ERGIC1: variants seen among roughly 807,000 people sequenced by gnomAD.
ERGIC1 encodes the protein endoplasmic reticulum-Golgi intermediate compartment protein 1.
A neutral mutation model predicts 38.3 loss-of-function variants in ERGIC1; 19 were observed. That is an observed-to-expected ratio of 0.50 (90% CI 0.35 to 0.73). The LOEUF (loss-of-function observed/expected upper bound fraction) is 0.73. Ranked by LOEUF, ERGIC1 falls within the 30% of genes least tolerant of loss-of-function variation. The pLI is 0.01. For synonymous variants in ERGIC1, 124 were observed against 157.6 expected, an observed-to-expected ratio of 0.79 and a Z score of 1.60; for missense variants, 294 against 389.2, an observed-to-expected ratio of 0.76 and a Z score of 2.06.
chr5:172,909,252 C>T (rs1370179584), intron 3 of ERGIC1, among the ~76,000 whole-genome samples: 3 of 148,564 alleles, frequency 2.0e-5, no homozygotes. Context: ...TCACTGCAAC[C>T]TCAGCCTCCT....
chr5:172,877,402 TTATA>T (rs202058258), intron 1 of ERGIC1, among the ~76,000 whole-genome samples: 2 of 143,234 alleles, frequency 1.4e-5, no homozygotes, highest in Non-Finnish European at 3.0e-5. Context: ...TCTCTAAATA[TTATA>T]TATATGTGTG....
intron 3 of ERGIC1, among the ~76,000 whole-genome samples, chr5:172,898,750 G>T (rs1762794048): frequency 6.6e-6 from 1 of 152,120 alleles, no homozygotes; most frequent in African/African-American, 2.4e-5. Context: ...TCTGGGAGAG[G>T]TTGGTCTGCT....
At chr5:172,853,608 C>T (rs926592543) in intron 1 of ERGIC1, among the ~76,000 whole-genome samples, 4 of 152,222 alleles carry the variant, frequency 2.6e-5, no homozygotes, top group Non-Finnish European at 5.9e-5. Context: ...CCCATCTCCC[C>T]CCGCCCCGGA....
At chr5:172,889,284 A>G (rs1762503068) in intron 2 of ERGIC1, among the ~76,000 whole-genome samples, 1 of 150,590 alleles carries the variant, frequency 6.6e-6, no homozygotes, top group African/African-American at 2.4e-5. Flanking sequence ...GACTCCATCT[A>G]AAAAAAAACA....
chr5:172,914,673 T>A, intron 4 of ERGIC1, 41 bp from the exon 5 acceptor site: 1 of 1,613,624 alleles, frequency 6.2e-7, no homozygotes, highest in Non-Finnish European at 8.5e-7. Context: ...TCCTCCCGCG[T>A]CTCTGGGTTT....
chr5:172,892,352 T>C (rs1346934712), intron 2 of ERGIC1, among the ~76,000 whole-genome samples: 1 of 152,208 alleles, frequency 6.6e-6, no homozygotes, highest in Non-Finnish European at 1.5e-5. Context: ...GCGGGCTGAC[T>C]TGGACACACA....
chr5:172,878,074 A>C (rs1762191379), intron 1 of ERGIC1, among the ~76,000 whole-genome samples: 1 of 152,020 alleles, frequency 6.6e-6, no homozygotes, highest in African/African-American at 2.4e-5. Flanking sequence ...TGTGGGAAGG[A>C]GGGGAGGGGA....
chr5:172,835,818 C>A (rs1275379518), intron 1 of ERGIC1, among the ~76,000 whole-genome samples: 1 of 152,204 alleles, frequency 6.6e-6, no homozygotes, highest in Non-Finnish European at 1.5e-5. Flanking sequence ...CTTGCCCCTG[C>A]CGGGCAGCCC....
chr5:172,878,862 G>A (rs765996379), intron 1 of ERGIC1, among the ~76,000 whole-genome samples: 3 of 152,140 alleles, frequency 2.0e-5, no homozygotes, highest in Non-Finnish European at 4.4e-5. Flanking sequence ...TCAGTAAGGT[G>A]GAGGGAATGA....
chr5:172,932,550 G>A lies in ERGIC1; in HGVS notation c.642+14G>A. On this transcript the variant is annotated intron_variant, in intron 8 of 9. Transcript: ENST00000393784. ...GTGGCCAACAAGGTGCGCGGGCGGT[G>A]GCTGGGCCGAGCTGTGTGCGGCGGC... The A allele has an allele frequency of 6.2e-7, 1 of 1,613,172 alleles. No homozygotes were observed. The highest frequency in any genetic ancestry group is 8.5e-7 in the Non-Finnish European group (1 of 1,179,514).
chr5:172,940,227 G>A (rs1474826122), intron 9 of ERGIC1, among the ~76,000 whole-genome samples: 1 of 152,130 alleles, frequency 6.6e-6, no homozygotes, highest in Non-Finnish European at 1.5e-5. Flanking sequence ...TCCCAAAAGG[G>A]CTTGTTTATC....
Position 172,834,455 on chromosome 5 carries a change from A to G in ERGIC1, c.20+22A>G, listed in dbSNP as rs1231548287. On this transcript the variant is annotated intron_variant, in intron 1 of 9. Transcript: ENST00000393784. The surrounding 1 kb of genome is among the most constrained non-coding windows in gnomAD (Gnocchi z 4.1). ...GGAGGTGAGTGTGGCGACCCCGGCCAGTCGGGAGTTCCCTCAGCGGGCAGA... is the reference window on the plus strand; with the variant it reads ...GGAGGTGAGTGTGGCGACCCCGGCCGGTCGGGAGTTCCCTCAGCGGGCAGA... 5 of 1,317,656 alleles carry G rather than the reference A, an allele frequency of 3.8e-6. No individual in the cohort carries two copies. The highest frequency in any genetic ancestry group is 7.7e-5 in the Admixed American group (2 of 26,130). The allele number at this position is 1,317,656 out of a possible 1,614,324, so 81.6% of individuals were successfully genotyped here. A position where few individuals can be genotyped will look rare whatever the true frequency, so the allele number is the denominator to read the frequency against.
intron 4 of ERGIC1, among the ~76,000 whole-genome samples, chr5:172,910,484 C>T (rs7709997): frequency 0.017 from 2,511 of 151,172 alleles, 62 homozygotes; most frequent in African/African-American, 0.057. Context: ...TTTGACTTCA[C>T]ACCTATTTTG....
intron 2 of ERGIC1, among the ~76,000 whole-genome samples, chr5:172,893,905 A>ATATGTGTGTGTGTGTGTGTGTG (rs1173039695): frequency 1.9e-4 from 3 of 15,540 alleles, no homozygotes; most frequent in Admixed American, 1.4e-3. Context: ...ATATATATAT[A>ATATGTGTGTGTGTGTGTGTGTG]TGTGTGTGTG....
chr5:172,840,749 T>A (rs1430032497), intron 1 of ERGIC1, among the ~76,000 whole-genome samples: 5 of 152,204 alleles, frequency 3.3e-5, no homozygotes, highest in Non-Finnish European at 7.3e-5. Flanking sequence ...CAGTCCCAGA[T>A]GCCAGCTTCA....
At chr5:172,893,390 C>T (rs977363270) in intron 2 of ERGIC1, among the ~76,000 whole-genome samples, 4 of 152,092 alleles carry the variant, frequency 2.6e-5, no homozygotes, top group Non-Finnish European at 4.4e-5. Flanking sequence ...TCAAGTGATC[C>T]GTCTGCCTCG....
At chr5:172,897,508 C>G (rs2113313540) in intron 3 of ERGIC1, among the ~76,000 whole-genome samples, 1 of 151,876 alleles carries the variant, frequency 6.6e-6, no homozygotes, top group East Asian at 1.9e-4. Flanking sequence ...GTCTCCAGGC[C>G]TGTGGCATCG....
intron 5 of ERGIC1, chr5:172,915,554 C>T (rs746770357): frequency 2.3e-5 from 11 of 470,774 alleles, no homozygotes; most frequent in Admixed American, 7.0e-5. Flanking sequence ...AGTGGGTGAA[C>T]GCAGTGCCCT....
chr5:172,920,492 G>T (rs930826530), intron 5 of ERGIC1: 33 of 716,480 alleles, frequency 4.6e-5, no homozygotes, highest in Non-Finnish European at 7.5e-5. Flanking sequence ...GGGGTGAGGG[G>T]TATGGGGCCT....
Sources: gnomAD v4.1 joint callset for allele counts (sites outside exome capture counted in the v4.1 genomes callset) on GRCh38, gnomAD v4.1.1 for gene constraint, Gnocchi (gnomAD v3.1) non-coding constraint, MANE v1.5 for transcripts, NCBI Gene and HGNC (gene_info 2026-07-23, HGNC 2026-07-21) for gene names.